The following FXR2 variants were observed in gnomAD, a reference collection of about 807,000 sequenced individuals.
The protein encoded by FXR2 is RNA-binding protein FXR2.
A neutral mutation model predicts 87.3 loss-of-function variants in FXR2; 9 were observed. The ratio of observed to expected loss-of-function variants is 0.10; its 90% CI spans 0.06 to 0.18. The LOEUF (loss-of-function observed/expected upper bound fraction) is 0.18, where lower values mean the gene tolerates loss of function less well. Ranked by LOEUF, FXR2 falls within the 10% of genes least tolerant of loss-of-function variation. The pLI, the probability that FXR2 is intolerant of heterozygous loss-of-function variation, is 1.00. For synonymous variants in FXR2, 331 were observed against 328.3 expected, an observed-to-expected ratio of 1.01 and a Z score of -0.09; for missense variants, 661 against 893.6, an observed-to-expected ratio of 0.74 and a Z score of 3.32.
intron 1 of FXR2, among the ~76,000 whole-genome samples, chr17:7,610,011 T>TATATACATGCATATGTATAC (rs2071847198): frequency 2.1e-5 from 3 of 140,488 alleles, no homozygotes; most frequent in South Asian, 2.2e-4. Flanking sequence ...TATACATATA[T>TATATACATGCATATGTATAC]ATATACATGT....
intron 5 of FXR2, 135 bp downstream of exon 5, chr17:7,603,622 T>C: frequency 1.4e-6 from 1 of 697,854 alleles, no homozygotes; most frequent in South Asian, 2.0e-5. Context: ...AGTGTCTTCT[T>C]AGCAAGAAGG....
intron 1 of FXR2, among the ~76,000 whole-genome samples, chr17:7,608,859 C>T (rs763865183): frequency 2.6e-5 from 4 of 152,148 alleles, no homozygotes; most frequent in Non-Finnish European, 4.4e-5. Flanking sequence ...AATATGTCTA[C>T]TTTGTTGTAT....
intron 3 of FXR2, among the ~76,000 whole-genome samples, chr17:7,604,492 G>C (rs998013771): frequency 2.0e-5 from 3 of 151,956 alleles, no homozygotes; most frequent in African/African-American, 7.2e-5. Flanking sequence ...AGGAGTTCAA[G>C]ACCAGCCTGG....
intron 1 of FXR2, among the ~76,000 whole-genome samples, chr17:7,607,390 T>G (rs1451498745): frequency 6.6e-6 from 1 of 152,112 alleles, no homozygotes; most frequent in Non-Finnish European, 1.5e-5. Context: ...CTCTTATGTC[T>G]TCTTCTTAAA....
In FXR2 at chr17:7,614,773, CGCCGCT is replaced by C. The variant is rs2071932322; in HGVS notation, c.-247_-242del. On this transcript the variant is annotated 5_prime_UTR_variant, in exon 1 of 17. Coordinates refer to ENST00000250113, the MANE Select transcript of FXR2 (RefSeq NM_004860.4). ...CCACCGTGAGGGAAACGGCCGCCGC[CGCCGCT>C]GCCTTCGTCACCTCAGCTTCCGCCC... The C allele has an allele frequency of 8.8e-6, 2 of 226,168 alleles. No homozygotes were observed. The allele number at this position is 226,168 out of a possible 1,614,324, so 14.0% of individuals were successfully genotyped here.
In FXR2 at chr17:7,594,902, G is replaced by A. The variant is rs1326983300; in HGVS notation, c.832-145C>T. 4 of 612,692 alleles carry A rather than the reference G, an allele frequency of 6.5e-6. No individual in the cohort carries two copies. Among genetic ancestry groups the A allele is most frequent in the South Asian group, 1.9e-5 (1 of 51,504 alleles). The allele number at this position is 612,692 out of a possible 1,614,324, so 38.0% of individuals were successfully genotyped here. A position where few individuals can be genotyped will look rare whatever the true frequency, so the allele number is the denominator to read the frequency against. On this transcript the variant is annotated intron_variant, in intron 8 of 16. Coordinates refer to ENST00000250113, the MANE Select transcript of FXR2 (RefSeq NM_004860.4). The surrounding 1 kb of genome is among the most constrained non-coding windows in gnomAD (Gnocchi z 5.1). ...AGTTCAAGACTAGCCTGGGCAATAT[G>A]GTGAAACGCCATCTCTACTAAAAAT...
chr17:7,614,801 G>A lies in FXR2; in HGVS notation c.-269C>T. 5.2e-6 allele frequency: 1 copy of A among 191,044 alleles called. No individual in the cohort carries two copies. The highest frequency in any genetic ancestry group is 1.1e-5 in the Non-Finnish European group (1 of 94,798). 11.8% of individuals were successfully genotyped at this position (191,044 alleles called of 1,614,324 possible). A position where few individuals can be genotyped will look rare whatever the true frequency, so the allele number is the denominator to read the frequency against. On this transcript the variant is annotated 5_prime_UTR_variant, in exon 1 of 17. Transcript: ENST00000250113. ...CGCTGCCTTCGTCACCTCAGCTTCC[G>A]CCCGCCGCCGCCCCCGCTGCTGCCT...
In FXR2 at chr17:7,592,940, A is replaced by G. The variant is rs2071677306; in HGVS notation, c.1528+44T>C. The G allele has an allele frequency of 6.5e-7, 1 of 1,545,894 alleles. No homozygotes were observed. The highest frequency in any genetic ancestry group is 8.7e-7 in the Non-Finnish European group (1 of 1,145,754). On this transcript the variant is annotated intron_variant, in intron 13 of 16. Transcript: ENST00000250113. This position sits in a 1 kb window ranked among gnomAD's most constrained non-coding sequence, Gnocchi z 4.8. ...AGGAGTTGGCAGTCAGGTGCCCATC[A>G]TCTTTCCTTTTGGCCCATATTCATG...
chr17:7,602,844 G>T, intron 6 of FXR2, 65 bp downstream of exon 6: 1 of 798,558 alleles, frequency 1.3e-6, no homozygotes, highest in Non-Finnish European at 2.1e-6. Context: ...CTGCAAAAGG[G>T]TTAAAAAGGG....
At chr17:7,611,857 A>C (rs1376991548) in intron 1 of FXR2, among the ~76,000 whole-genome samples, 3 of 152,190 alleles carry the variant, frequency 2.0e-5, no homozygotes, top group African/African-American at 7.2e-5. Context: ...TCTGTAGGGT[A>C]CTGAGAGTGG....
At chr17:7,600,156 C>T (rs1449076636) in intron 7 of FXR2, among the ~76,000 whole-genome samples, 1 of 152,062 alleles carries the variant, frequency 6.6e-6, no homozygotes, top group Non-Finnish European at 1.5e-5. Context: ...GCCTCAGCCT[C>T]CCAAAGTGCT....
At chr17:7,605,821 TG>T in intron 2 of FXR2, 83 bp from the exon 3 acceptor site, 1 of 829,310 alleles carries the variant, frequency 1.2e-6, no homozygotes, top group Middle Eastern at 2.7e-4. Context: ...TTGCCTCAGC[TG>T]GGCGAGTTCC....
At chr17:7,614,144 A>G (rs1396679974) in intron 1 of FXR2, 3 of 604,454 alleles carry the variant, frequency 5.0e-6, no homozygotes, top group South Asian at 1.5e-5. Context: ...GACACAGTCA[A>G]TTAGAAGCTG....
At chr17:7,605,987 A>G (rs1299459028) in intron 2 of FXR2, 110 bp downstream of exon 2, 1 of 763,168 alleles carries the variant, frequency 1.3e-6, no homozygotes. Flanking sequence ...TCCCACCCAA[A>G]CCCTCAGCTC....
chr17:7,610,473 C>T (rs1344565326), intron 1 of FXR2, among the ~76,000 whole-genome samples: 3 of 152,166 alleles, frequency 2.0e-5, no homozygotes, highest in Non-Finnish European at 4.4e-5. Context: ...GCTACCATGA[C>T]TTCCAAGGCA....
In FXR2 at chr17:7,604,838, C is replaced by G. The variant is rs1597878157; in HGVS notation, c.229-758G>C. 2.0e-5 allele frequency among the ~76,000 whole-genome samples: 3 copies of G among 151,080 alleles called. No homozygotes were observed. In the South Asian group the frequency reaches 6.3e-4, roughly 32 times the overall value. Reference sequence around the variant, plus strand: ...CTGGGTTCAAGCGATTCTCCTGCCTCAGCCTCCCAAGTAGCTGGGATTATA... The same window carrying G: ...CTGGGTTCAAGCGATTCTCCTGCCTGAGCCTCCCAAGTAGCTGGGATTATA... On this transcript the variant is annotated intron_variant, in intron 3 of 16. Transcript: ENST00000250113.
At chr17:7,608,203 G>A (rs985629889) in intron 1 of FXR2, among the ~76,000 whole-genome samples, 9 of 151,468 alleles carry the variant, frequency 5.9e-5, no homozygotes, top group Admixed American at 2.6e-4. Context: ...CAATGCACCC[G>A]CCTTAGCCTC....
chr17:7,605,198 G>A (rs1007599782), intron 3 of FXR2, among the ~76,000 whole-genome samples: 3 of 152,084 alleles, frequency 2.0e-5, no homozygotes, highest in Non-Finnish European at 4.4e-5. Flanking sequence ...GTGAAACCAT[G>A]TCTTTACAAA....
At chr17:7,611,916 G>A (rs776560300) in intron 1 of FXR2, among the ~76,000 whole-genome samples, 2 of 152,122 alleles carry the variant, frequency 1.3e-5, no homozygotes, top group African/African-American at 2.4e-5. Context: ...CAGGAACAGG[G>A]CAGAAAATGC....
Sources: gnomAD v4.1 joint callset for allele counts (sites outside exome capture counted in the v4.1 genomes callset) on GRCh38, gnomAD v4.1.1 for gene constraint, Gnocchi (gnomAD v3.1) non-coding constraint, MANE v1.5 for transcripts, NCBI Gene and HGNC (gene_info 2026-07-23, HGNC 2026-07-21) for gene names.